Variants in PAPPA2 observed in about 807,000 individuals in gnomAD.
The protein encoded by PAPPA2 is pappalysin 2.
A neutral mutation model predicts 176.4 loss-of-function variants in PAPPA2; 86 were observed. The ratio of observed to expected loss-of-function variants is 0.49; its 90% CI spans 0.41 to 0.58. The LOEUF (loss-of-function observed/expected upper bound fraction) is 0.58. Among genes scored for constraint, PAPPA2 ranks in the 20% least tolerant of loss-of-function variants. PAPPA2 has a pLI of 0.00. For synonymous variants in PAPPA2, 809 were observed against 852.2 expected, an observed-to-expected ratio of 0.95 and a Z score of 0.88; for missense variants, 2,073 against 2,256.9, an observed-to-expected ratio of 0.92 and a Z score of 1.65.
At chr1:176,800,344 A>C (rs1665628951) in intron 21 of PAPPA2, among the ~76,000 whole-genome samples, 1 of 152,190 alleles carries the variant, frequency 6.6e-6, no homozygotes, top group African/African-American at 2.4e-5. Flanking sequence ...TTGGAGATCC[A>C]CTTTAAATGA....
chr1:176,693,693 A>T (rs1453974825), intron 6 of PAPPA2, among the ~76,000 whole-genome samples: 1 of 152,188 alleles, frequency 6.6e-6, no homozygotes, highest in East Asian at 1.9e-4. Context: ...GACACCACTT[A>T]GACCTCACAA....
At chr1:176,674,518 T>A (rs553833943) in intron 4 of PAPPA2, among the ~76,000 whole-genome samples, 23 of 152,268 alleles carry the variant, frequency 1.5e-4, no homozygotes, top group African/African-American at 4.8e-4. Context: ...GATGTTTGGT[T>A]TCCCATTCCT....
chr1:176,660,256 C>A (rs1658283433), intron 3 of PAPPA2, among the ~76,000 whole-genome samples: 1 of 151,954 alleles, frequency 6.6e-6, no homozygotes, highest in African/African-American at 2.4e-5. Flanking sequence ...CTGTTGGCAA[C>A]TGAAATCTAT....
chr1:176,551,104 C>T (rs930615917), intron 1 of PAPPA2, among the ~76,000 whole-genome samples: 5 of 152,074 alleles, frequency 3.3e-5, no homozygotes, highest in African/African-American at 9.7e-5. Flanking sequence ...AAAAGGGGGC[C>T]GTAGTAGATT....
At chr1:176,667,122 G>C (rs1004330972) in intron 3 of PAPPA2, among the ~76,000 whole-genome samples, 6 of 151,992 alleles carry the variant, frequency 3.9e-5, no homozygotes, top group Non-Finnish European at 8.8e-5. Flanking sequence ...GCACATGCCT[G>C]TAATCCCAGC....
At chr1:176,831,941 C>A (rs1000640406) in intron 21 of PAPPA2, among the ~76,000 whole-genome samples, 1 of 152,132 alleles carries the variant, frequency 6.6e-6, no homozygotes, top group Non-Finnish European at 1.5e-5. Flanking sequence ...CTGACTCTGT[C>A]TTTCATGACT....
intron 21 of PAPPA2, among the ~76,000 whole-genome samples, chr1:176,815,428 A>T (rs962232234): frequency 6.6e-6 from 1 of 152,152 alleles, no homozygotes; most frequent in Non-Finnish European, 1.5e-5. Flanking sequence ...TCCTAACCTC[A>T]GCCTCTCTCA....
At position 176,707,470 on chromosome 1, in the gene PAPPA2, T is replaced by C. The variant is rs149943155; in HGVS notation, c.3457+1020T>C. Among the ~76,000 whole-genome samples the C allele has an allele frequency of 2.1e-3, 319 of 152,264 alleles. 2 individuals are homozygous for C. The highest frequency in any genetic ancestry group is 0.02 in the Middle Eastern group (6 of 294). The stretch of plus-strand genomic sequence containing the variant: ...GAGTCTGACAGAGTCCCTGATCCTT[T>C]CATGAGTACAAGTTTAGCAGTGACT... On this transcript the variant is annotated intron_variant, in intron 10 of 22. Transcript: ENST00000367662.
chr1:176,618,880 A>G (rs1320071745), intron 3 of PAPPA2, among the ~76,000 whole-genome samples: 1 of 152,132 alleles, frequency 6.6e-6, no homozygotes, highest in Non-Finnish European at 1.5e-5. Flanking sequence ...ATAAATTATA[A>G]CTAGAAGTAG....
At chr1:176,623,758 C>CCTTTCTTTCTTTCTTT (rs71129580) in intron 3 of PAPPA2, among the ~76,000 whole-genome samples, 3,844 of 58,880 alleles carry the variant, frequency 0.065, 335 homozygotes, top group East Asian at 0.11. Context: ...TTCCTTCCTT[C>CCTTTCTTTCTTTCTTT]CTTTCTTTCT....
chr1:176,744,515 G>A (rs764948624), intron 14 of PAPPA2, among the ~76,000 whole-genome samples: 4 of 152,014 alleles, frequency 2.6e-5, no homozygotes, highest in South Asian at 2.1e-4. Flanking sequence ...AATATATAAC[G>A]GCTTTTGCCA....
chr1:176,489,101 A>G (rs772669113), intron 1 of PAPPA2, among the ~76,000 whole-genome samples: 4 of 152,212 alleles, frequency 2.6e-5, no homozygotes, highest in Non-Finnish European at 4.4e-5. Flanking sequence ...ATGTGTGCCC[A>G]TACGCAAACA....
At chr1:176,637,679 C>T (rs1014850881) in intron 3 of PAPPA2, among the ~76,000 whole-genome samples, 9 of 152,080 alleles carry the variant, frequency 5.9e-5, no homozygotes, top group Non-Finnish European at 1.3e-4. Flanking sequence ...GGATCTAATC[C>T]AAACTGTCTG....
At chr1:176,812,481 T>C (rs1214279029) in intron 21 of PAPPA2, among the ~76,000 whole-genome samples, 1 of 152,216 alleles carries the variant, frequency 6.6e-6, no homozygotes. Context: ...TAATTGTGCT[T>C]CAAAACTGTG....
At chr1:176,698,886 C>T (rs577500276) in intron 7 of PAPPA2, among the ~76,000 whole-genome samples, 1 of 152,174 alleles carries the variant, frequency 6.6e-6, no homozygotes, top group Non-Finnish European at 1.5e-5. Flanking sequence ...GCTAAGGGCA[C>T]CATGTACAGG....
chr1:176,504,077 G>T (rs945165327), intron 1 of PAPPA2, among the ~76,000 whole-genome samples: 1 of 151,968 alleles, frequency 6.6e-6, no homozygotes, highest in Non-Finnish European at 1.5e-5. Context: ...CTTGGTTATG[G>T]TCATTCTGTG....
At chr1:176,659,419 G>T (rs1658212356) in intron 3 of PAPPA2, among the ~76,000 whole-genome samples, 1 of 152,000 alleles carries the variant, frequency 6.6e-6, no homozygotes, top group Admixed American at 6.6e-5. Flanking sequence ...ATCTGTCCCT[G>T]TGTCCAAATT....
At chr1:176,514,281 T>C (rs540927853) in intron 1 of PAPPA2, among the ~76,000 whole-genome samples, 33 of 152,128 alleles carry the variant, frequency 2.2e-4, no homozygotes, top group African/African-American at 6.5e-4. Context: ...GGTGTCAGAC[T>C]CCTTTAAACA....
chr1:176,690,797 A>G (rs12128112), intron 5 of PAPPA2: 69,925 of 1,038,664 alleles, frequency 0.067, 2,509 homozygotes, highest in South Asian at 0.13. Context: ...GAAGAGTCCA[A>G]TGGAAATAAA....
Sources: gnomAD v4.1 joint callset for allele counts (sites outside exome capture counted in the v4.1 genomes callset) on GRCh38, gnomAD v4.1.1 for gene constraint, MANE v1.5 for transcripts, NCBI Gene and HGNC (gene_info 2026-07-23, HGNC 2026-07-21) for gene names.